The following PPP2R3A variants were observed in gnomAD, a reference collection of about 807,000 sequenced individuals.
The protein encoded by PPP2R3A is serine/threonine-protein phosphatase 2A regulatory subunit B'' subunit alpha.
PPP2R3A carries 80 observed loss-of-function variants against 106.9 expected under a neutral mutation model. The ratio of observed to expected loss-of-function variants is 0.75; its 90% CI spans 0.62 to 0.90. The LOEUF is 0.90. Ranked by LOEUF, PPP2R3A falls within the 40% of genes least tolerant of loss-of-function variation. PPP2R3A has a pLI of 0.00. For missense variants in PPP2R3A, 1,386 were observed against 1,350.4 expected, an observed-to-expected ratio of 1.03 and a Z score of -0.41; for synonymous variants, 483 against 468.3, an observed-to-expected ratio of 1.03 and a Z score of -0.41.
chr3:136,143,947 A>T (rs776332611), intron 13 of PPP2R3A, among the ~76,000 whole-genome samples: 4 of 152,230 alleles, frequency 2.6e-5, no homozygotes, highest in African/African-American at 7.2e-5. Flanking sequence ...ATATTGTGGG[A>T]GATCCCTGCA....
At chr3:136,054,060 G>A (rs963837932) in intron 5 of PPP2R3A, among the ~76,000 whole-genome samples, 1 of 151,966 alleles carries the variant, frequency 6.6e-6, no homozygotes, top group Non-Finnish European at 1.5e-5. Flanking sequence ...GGAAATAAAC[G>A]TGGTGTTTTA....
intron 13 of PPP2R3A, among the ~76,000 whole-genome samples, chr3:136,109,377 A>T (rs1358137446): frequency 6.6e-6 from 1 of 152,220 alleles, no homozygotes; most frequent in Non-Finnish European, 1.5e-5. Context: ...CAGTGAATGT[A>T]AAAGGAATAA....
intron 1 of PPP2R3A, among the ~76,000 whole-genome samples, chr3:135,983,032 G>A (rs1576410262): frequency 6.6e-6 from 1 of 152,286 alleles, no homozygotes; most frequent in African/African-American, 2.4e-5. Context: ...CGTTAGATGT[G>A]ATAAGTTTAT....
chr3:136,065,203 C>T (rs1326454893), intron 5 of PPP2R3A, among the ~76,000 whole-genome samples: 1 of 152,076 alleles, frequency 6.6e-6, no homozygotes, highest in Non-Finnish European at 1.5e-5. Flanking sequence ...TACAAATGAG[C>T]TAAATCCACA....
At chr3:136,070,365 CATT>C in intron 5 of PPP2R3A, 110 bp from the exon 6 acceptor site, 1 of 696,760 alleles carries the variant, frequency 1.4e-6, no homozygotes, top group Non-Finnish European at 2.3e-6. Context: ...GTGCATTATT[CATT>C]ATTGTAAAAT....
At chr3:135,968,214 A>G (rs1359136099) in intron 1 of PPP2R3A, among the ~76,000 whole-genome samples, 1 of 152,220 alleles carries the variant, frequency 6.6e-6, no homozygotes, top group Non-Finnish European at 1.5e-5. Context: ...ACAACTTTGC[A>G]TGCCTGGACC....
chr3:136,001,007 C>A, intron 1 of PPP2R3A, 52 bp from the exon 2 acceptor site: 2 of 395,074 alleles, frequency 5.1e-6, no homozygotes, highest in South Asian at 2.7e-4. Flanking sequence ...AAGAGGAAAT[C>A]AAAAGTTCCA....
intron 13 of PPP2R3A, among the ~76,000 whole-genome samples, chr3:136,117,754 T>A (rs1937831115): frequency 1.3e-5 from 2 of 152,052 alleles, no homozygotes; most frequent in Non-Finnish European, 2.9e-5. Flanking sequence ...AACCAAAAAA[T>A]GTCCAGGACC....
intron 1 of PPP2R3A, among the ~76,000 whole-genome samples, chr3:135,969,992 G>C (rs1937198633): frequency 6.6e-6 from 1 of 152,178 alleles, no homozygotes; most frequent in Non-Finnish European, 1.5e-5. Flanking sequence ...GTGATCCCTG[G>C]TCTGGGAAGA....
intron 13 of PPP2R3A, among the ~76,000 whole-genome samples, chr3:136,142,253 A>G (rs1482158007): frequency 6.6e-6 from 1 of 152,196 alleles, no homozygotes; most frequent in Non-Finnish European, 1.5e-5. Flanking sequence ...CATACGGCAC[A>G]TTGTAGGATG....
At chr3:136,089,669 A>G (rs1937045366) in intron 9 of PPP2R3A, among the ~76,000 whole-genome samples, 1 of 151,680 alleles carries the variant, frequency 6.6e-6, no homozygotes, top group Non-Finnish European at 1.5e-5. Context: ...TAAGAATAAC[A>G]TTGAATCTGT....
Position 136,102,237 on chromosome 3 carries a change from A to G in PPP2R3A, c.3103+55A>G. 5.1e-6 allele frequency: 8 copies of G among 1,568,794 alleles called. No homozygotes were observed. In the South Asian group the frequency reaches 8.0e-5, roughly 16 times the overall value. Reference sequence around the variant, plus strand: ...GTTCACCTATGTATCAGAGGAGGGCAAAGAATCCTAGATTGTCCTAAATTA... The same window carrying G: ...GTTCACCTATGTATCAGAGGAGGGCGAAGAATCCTAGATTGTCCTAAATTA... On this transcript the variant is annotated intron_variant, in intron 11 of 13. Transcript: ENST00000264977.
At chr3:136,015,901 T>C (rs1934250509) in intron 2 of PPP2R3A, among the ~76,000 whole-genome samples, 1 of 152,162 alleles carries the variant, frequency 6.6e-6, no homozygotes, top group Non-Finnish European at 1.5e-5. Context: ...CCTTGCGGTA[T>C]GACCTTAGAT....
intron 7 of PPP2R3A, chr3:136,079,004 T>C (rs1381688675): frequency 3.6e-6 from 1 of 276,636 alleles, no homozygotes; most frequent in Non-Finnish European, 7.4e-6. Context: ...TGCCTGATTG[T>C]TTAAGCTTCT....
chr3:136,137,584 T>C (rs1938675676), intron 13 of PPP2R3A, among the ~76,000 whole-genome samples: 2 of 128,336 alleles, frequency 1.6e-5, no homozygotes, highest in Non-Finnish European at 3.2e-5. Flanking sequence ...CTCTGTCGCC[T>C]AGGCTGGAGT....
intron 13 of PPP2R3A, among the ~76,000 whole-genome samples, chr3:136,118,873 T>C (rs890175740): frequency 6.6e-6 from 1 of 152,110 alleles, no homozygotes; most frequent in African/African-American, 2.4e-5. Flanking sequence ...AAAACTACTT[T>C]AAACTTCATA....
Position 136,145,462 on chromosome 3 carries a change from C to T in PPP2R3A, c.*296C>T, listed in dbSNP as rs1399272416. ...AGGATCTCTTGGCGACAGTACCAAG[C>T]ACGGTTCTCTACACAGGTGACTGAA... On this transcript the variant is annotated 3_prime_UTR_variant, in exon 14 of 14. Coordinates refer to ENST00000264977, the MANE Select transcript of PPP2R3A (RefSeq NM_002718.5). 9.9e-6 allele frequency: 2 copies of T among 201,658 alleles called. No homozygotes were observed. Among genetic ancestry groups the T allele is most frequent in the Non-Finnish European group, 1.0e-5 (1 of 100,330 alleles). The allele number at this position is 201,658 out of a possible 1,614,324, so 12.5% of individuals were successfully genotyped here.
At chr3:135,970,810 G>A (rs1937226833) in intron 1 of PPP2R3A, among the ~76,000 whole-genome samples, 2 of 152,158 alleles carry the variant, frequency 1.3e-5, no homozygotes, top group African/African-American at 2.4e-5. Flanking sequence ...GTAGGTCAAT[G>A]GTGTCTGATT....
intron 5 of PPP2R3A, among the ~76,000 whole-genome samples, chr3:136,050,621 G>C (rs1935653913): frequency 6.6e-6 from 1 of 152,192 alleles, no homozygotes; most frequent in Non-Finnish European, 1.5e-5. Flanking sequence ...ACACACAGCT[G>C]TTTTCTTTTA....
Sources: allele counts gnomAD v4.1 joint callset (sites outside exome capture counted in the v4.1 genomes callset), GRCh38; gene constraint gnomAD v4.1.1; transcripts MANE v1.5; gene names NCBI Gene and HGNC (gene_info 2026-07-23, HGNC 2026-07-21).